Variants in ZPBP observed in about 807,000 individuals in gnomAD.
ZPBP encodes the protein zona pellucida binding protein, also known as zona pellucida-binding protein 1.
Under a neutral mutation model 44.8 loss-of-function variants are expected in ZPBP, and 26 were observed. The observed-to-expected ratio is 0.58, with a 90% CI of 0.43 to 0.81. ZPBP has a LOEUF of 0.81. Among genes scored for constraint, ZPBP ranks in the 30% least tolerant of loss-of-function variants. The pLI, the probability that ZPBP is intolerant of heterozygous loss-of-function variation, is 0.00. For synonymous variants in ZPBP, 174 were observed against 153.2 expected (o/e 1.14, Z -1.00); for missense variants, 409 against 434.0 (o/e 0.94, Z 0.51).
intron 7 of ZPBP, among the ~76,000 whole-genome samples, chr7:49,959,508 A>G (rs1485256965): frequency 6.6e-6 from 1 of 152,138 alleles, no homozygotes; most frequent in African/African-American, 2.4e-5. Context: ...CTCAATTTAA[A>G]AGAGAGAAAA....
At chr7:49,917,238 A>C (rs1427363843) in intron 1 of ZPBP, 2 of 152,154 alleles carry the variant, frequency 1.3e-5, no homozygotes, top group African/African-American at 4.8e-5. Flanking sequence ...ATGGTTGTTG[A>C]AATTTTACTG....
rs550542960 is a variant in ZPBP at position 49,960,530 on chromosome 7, T to C, written c.961+22812A>G. On this transcript the variant is annotated intron_variant, in intron 7 of 7. Coordinates refer to ENST00000046087, the MANE Select transcript of ZPBP (RefSeq NM_007009.3). Reference sequence around the variant, plus strand: ...ACTATAGAATAGAATAAATAAAATATATTTATGCAACTTTTTAATTTAAAA... The same window carrying C: ...ACTATAGAATAGAATAAATAAAATACATTTATGCAACTTTTTAATTTAAAA... Among the ~76,000 whole-genome samples the C allele has an allele frequency of 9.2e-5, 14 of 151,868 alleles. No homozygotes were observed. In the South Asian group the frequency reaches 2.9e-3, roughly 32 times the overall value.
intron 3 of ZPBP, among the ~76,000 whole-genome samples, chr7:50,073,237 T>C (rs1193236343): frequency 1.3e-5 from 2 of 151,974 alleles, no homozygotes; most frequent in Non-Finnish European, 1.5e-5. Flanking sequence ...GCAGAAATCC[T>C]GGAGCTGAAA....
intron 4 of ZPBP, among the ~76,000 whole-genome samples, chr7:50,039,268 T>C (rs886499909): frequency 1.3e-5 from 2 of 152,178 alleles, no homozygotes; most frequent in East Asian, 3.9e-4. Flanking sequence ...ATGCAAGAGC[T>C]GAAAAGTAAA....
At chr7:49,957,669 T>C (rs569765510) in intron 7 of ZPBP, among the ~76,000 whole-genome samples, 2 of 152,284 alleles carry the variant, frequency 1.3e-5, no homozygotes, top group African/African-American at 4.8e-5. Context: ...AAACTTGTTG[T>C]GAACAACCTA....
chr7:50,028,547 A>G (rs565986475), intron 5 of ZPBP, among the ~76,000 whole-genome samples: 2 of 152,098 alleles, frequency 1.3e-5, no homozygotes, highest in African/African-American at 4.8e-5. Context: ...AACTATTGCT[A>G]TCCACAGACA....
chr7:49,941,155 G>C (rs916763740), intron 7 of ZPBP, among the ~76,000 whole-genome samples: 1 of 152,114 alleles, frequency 6.6e-6, no homozygotes, highest in Non-Finnish European at 1.5e-5. Context: ...AATATTTATT[G>C]GTCATGATGT....
chr7:49,945,289 A>G (rs997711806), intron 7 of ZPBP, among the ~76,000 whole-genome samples: 1 of 151,840 alleles, frequency 6.6e-6, no homozygotes, highest in Admixed American at 6.6e-5. Context: ...AGGATTATCC[A>G]TGAGCTGAGG....
chr7:49,918,457 G>A (rs547223739), intron 1 of ZPBP: 6 of 152,220 alleles, frequency 3.9e-5, no homozygotes, highest in East Asian at 3.9e-4. Flanking sequence ...ATAGTAGCTC[G>A]TCACAAAAAT....
At chr7:49,842,592 T>C in the ZPBP span, among the ~76,000 whole-genome samples, 1 of 152,178 alleles carries the variant, frequency 6.6e-6, no homozygotes, top group Non-Finnish European at 1.5e-5. Context: ...CCTATAATCA[T>C]GTGTCAGTGA....
chr7:50,017,587 T>C (rs1006115133), intron 6 of ZPBP, among the ~76,000 whole-genome samples: 1 of 152,114 alleles, frequency 6.6e-6, no homozygotes, highest in Non-Finnish European at 1.5e-5. Flanking sequence ...GCAAAAATAA[T>C]GGATATTGAT....
intron 7 of ZPBP, among the ~76,000 whole-genome samples, chr7:49,969,237 T>A (rs1796184294): frequency 6.7e-6 from 1 of 149,488 alleles, no homozygotes; most frequent in Non-Finnish European, 1.5e-5. Context: ...TTATAGCCAA[T>A]ATATATCTAA....
Position 49,931,486 on chromosome 7 carries a change from CAA to C in ZPBP, n.411+4263_411+4264del, listed in dbSNP as rs779440974. On this transcript the variant is annotated intron_variant and non_coding_transcript_variant, in intron 1 of 2. Transcript: ENST00000465922. The stretch of plus-strand genomic sequence containing the variant: ...TGGAGTAAAAGTCACTCTTGCTATG[CAA>C]AGAGACTGGTGGCATTTTGCCCTGC... Among the ~76,000 whole-genome samples the C allele has an allele frequency of 1.7e-3, 261 of 152,278 alleles. 2 individuals carry two copies. The highest frequency in any genetic ancestry group is 3.2e-3 in the Non-Finnish European group (215 of 68,022).
In ZPBP at chr7:50,058,132, C is replaced by G. The variant is rs201273041; in HGVS notation, c.344G>C (p.Arg115Pro). ...PKGKVVSVEN[R>P]TAQITSTGSL... ...TCCTGTGGATGTTATTTGTGCAGTG[C>G]GGTTTTCTACTAAAGGAATAAGATA... The change falls in exon 4 of 8, where the codon CGC (arginine) becomes CCC (proline). Residue 115 changes from arginine (R) to proline (P), a missense_variant. Physicochemically the swap from Arg to Pro is moderately radical, Grantham distance 103. Around this residue, in one of 2 missense-constraint regions of ZPBP, gnomAD observed 367 missense variants for 363.1 expected, o/e 1.01. Transcript: ENST00000046087. 6.2e-7 allele frequency: 1 copy of G among 1,613,578 alleles called. No homozygotes were observed. Among genetic ancestry groups the G allele is most frequent in the African/African-American group, 1.3e-5 (1 of 75,012 alleles).
intron 2 of ZPBP, among the ~76,000 whole-genome samples, chr7:49,866,403 C>T (rs1790892133): frequency 6.6e-6 from 1 of 152,242 alleles, no homozygotes; most frequent in African/African-American, 2.4e-5. Context: ...TGCAGGCTCA[C>T]TTAGGGCTCT....
chr7:50,028,124 T>C (rs1024725666), intron 5 of ZPBP, among the ~76,000 whole-genome samples: 7 of 151,996 alleles, frequency 4.6e-5, no homozygotes, highest in African/African-American at 1.7e-4. Flanking sequence ...ATATCCATTA[T>C]GAATGCAAAA....
At chr7:49,959,388 A>G (rs1039025980) in intron 7 of ZPBP, among the ~76,000 whole-genome samples, 1 of 152,056 alleles carries the variant, frequency 6.6e-6, no homozygotes, top group Non-Finnish European at 1.5e-5. Context: ...GCATAAGCAC[A>G]GGATCCAGGT....
At chr7:50,014,033 T>G (rs1247703292) in intron 6 of ZPBP, among the ~76,000 whole-genome samples, 2 of 152,144 alleles carry the variant, frequency 1.3e-5, no homozygotes, top group Non-Finnish European at 2.9e-5. Flanking sequence ...TATATGTTGA[T>G]TCTCCTACTT....
chr7:49,943,774 G>A (rs193203056), intron 7 of ZPBP: 19 of 240,008 alleles, frequency 7.9e-5, no homozygotes, highest in African/African-American at 4.4e-4. Flanking sequence ...CCAGCAACCA[G>A]AACTACAACA....
Sources: allele counts gnomAD v4.1 joint callset (sites outside exome capture counted in the v4.1 genomes callset), GRCh38; gene constraint gnomAD v4.1.1; regional missense constraint gnomAD v4.1.1; transcripts MANE v1.5; gene names NCBI Gene and HGNC (gene_info 2026-07-23, HGNC 2026-07-21).